SNX29: variants seen among roughly 807,000 people sequenced by gnomAD.
SNX29 encodes sorting nexin-29.
SNX29 carries 78 observed loss-of-function variants against 102.1 expected under a neutral mutation model. The observed-to-expected ratio is 0.76, with a 90% confidence interval of 0.64 to 0.92. The LOEUF (loss-of-function observed/expected upper bound fraction) is 0.92, where lower values mean the gene tolerates loss of function less well. Ranked by LOEUF, SNX29 falls within the 40% of genes least tolerant of loss-of-function variation. SNX29 has a pLI of 0.00. For missense variants in SNX29, 1,280 were observed against 1,061.7 expected, an observed-to-expected ratio of 1.21 and a Z score of -2.86; for synonymous variants, 580 against 414.5, an observed-to-expected ratio of 1.40 and a Z score of -4.85.
intron 13 of SNX29, among the ~76,000 whole-genome samples, chr16:12,143,121 C>A (rs757015071): frequency 1.3e-5 from 2 of 152,056 alleles, no homozygotes; most frequent in Non-Finnish European, 2.9e-5. Context: ...CCTCAGCCTC[C>A]TGAGTACCTG....
intron 20 of SNX29, among the ~76,000 whole-genome samples, chr16:12,536,682 A>G (rs1301565722): frequency 1.3e-5 from 2 of 152,178 alleles, no homozygotes; most frequent in African/African-American, 4.8e-5. Flanking sequence ...GCTGGTATTA[A>G]GAGGTGTTCA....
rs112440134 is a variant in SNX29, at chr16:12,267,471, A to C, written c.1679-10462A>C. ...GTTTGAATTCTCAAGTGGGATGGTT[A>C]AATTGTCCAGGCTGTGATGTGCTCC... is the stretch of plus-strand genomic sequence containing the variant. On this transcript the variant is annotated intron_variant, in intron 14 of 20. Transcript: ENST00000566228. 5.0e-3 allele frequency among the ~76,000 whole-genome samples: 758 copies of C among 152,256 alleles called. 6 individuals carry two copies. Among genetic ancestry groups the C allele is most frequent in the African/African-American group, 0.017 (724 of 41,538 alleles).
intron 15 of SNX29, among the ~76,000 whole-genome samples, chr16:12,284,135 A>G (rs1207165405): frequency 1.3e-5 from 2 of 152,240 alleles, no homozygotes; most frequent in African/African-American, 2.4e-5. Flanking sequence ...CTTCACAACA[A>G]TGTGAAGTGT....
chr16:12,439,647 C>G (rs548328105), intron 18 of SNX29, among the ~76,000 whole-genome samples: 2 of 152,188 alleles, frequency 1.3e-5, no homozygotes, highest in South Asian at 4.1e-4. Flanking sequence ...TCAGTTATTT[C>G]CCACTGGGTC....
At chr16:12,064,459 C>T (rs537208692) in intron 9 of SNX29, among the ~76,000 whole-genome samples, 10 of 152,324 alleles carry the variant, frequency 6.6e-5, no homozygotes, top group South Asian at 2.1e-4. Context: ...TGATGGGACC[C>T]GAGCTCCAGC....
intron 11 of SNX29, among the ~76,000 whole-genome samples, chr16:12,105,747 C>T (rs374602687): frequency 2.6e-5 from 4 of 152,120 alleles, no homozygotes; most frequent in South Asian, 2.1e-4. Context: ...GCCTTCAGGC[C>T]CAGCAGTGCG....
chr16:12,513,245 C>T (rs1324605388), intron 19 of SNX29, among the ~76,000 whole-genome samples: 1 of 149,744 alleles, frequency 6.7e-6, no homozygotes, highest in African/African-American at 2.5e-5. Flanking sequence ...TGCTTGTTTT[C>T]TGTCCTCCTC....
In SNX29 at chr16:12,550,701, C is replaced by G. The variant is rs146750943; in HGVS notation, c.2319-17805C>G. On this transcript the variant is annotated intron_variant, in intron 20 of 20. Coordinates refer to ENST00000566228, the MANE Select transcript of SNX29 (RefSeq NM_032167.5). ...CTCACTTTTTCATGTATTCACCCCCCTCATGCTCTTATTCTACACTCCTGT... is the reference window on the plus strand; with the variant it reads ...CTCACTTTTTCATGTATTCACCCCCGTCATGCTCTTATTCTACACTCCTGT... Among the ~76,000 whole-genome samples, 1,033 of 152,250 alleles carry G rather than the reference C, an allele frequency of 6.8e-3. 14 individuals are homozygous for G. The highest frequency in any genetic ancestry group is 0.024 in the African/African-American group (978 of 41,544).
At chr16:12,563,768 T>A (rs2903040) in intron 20 of SNX29, among the ~76,000 whole-genome samples, 2 of 152,144 alleles carry the variant, frequency 1.3e-5, no homozygotes, top group African/African-American at 4.8e-5. Flanking sequence ...TCTCCACCCT[T>A]GTCTGCCGAC....
chr16:12,134,485 G>A (rs2054588104), intron 13 of SNX29, among the ~76,000 whole-genome samples: 1 of 152,174 alleles, frequency 6.6e-6, no homozygotes, highest in Admixed American at 6.5e-5. Flanking sequence ...GTGGCTGTTG[G>A]CAGGAGGCTT....
chr16:12,509,125 A>C (rs1171601130), intron 19 of SNX29, among the ~76,000 whole-genome samples: 1 of 152,164 alleles, frequency 6.6e-6, no homozygotes, highest in East Asian at 1.9e-4. Context: ...TAGAGGCTAC[A>C]ATTAAGGCAG....
chr16:12,255,766 T>C (rs914610050), intron 14 of SNX29, among the ~76,000 whole-genome samples: 1 of 152,254 alleles, frequency 6.6e-6, no homozygotes, highest in Non-Finnish European at 1.5e-5. Context: ...ACGTTTTGTT[T>C]ATTCATCTGT....
At chr16:12,159,647 C>T (rs2055699246) in intron 13 of SNX29, among the ~76,000 whole-genome samples, 1 of 152,100 alleles carries the variant, frequency 6.6e-6, no homozygotes. Context: ...ATCACTTGAG[C>T]CCAGAAGTTT....
At chr16:12,345,264 G>T (rs957226350) in intron 15 of SNX29, among the ~76,000 whole-genome samples, 1 of 152,190 alleles carries the variant, frequency 6.6e-6, no homozygotes, top group Non-Finnish European at 1.5e-5. Flanking sequence ...ATAGAACATG[G>T]GTCTGGGCGT....
In SNX29 at chr16:12,048,557, ATCC is replaced by A; in HGVS notation, c.688_690del (p.Leu230del). 6.2e-7 allele frequency: 1 copy of A among 1,613,932 alleles called. No individual in the cohort carries two copies. The highest frequency in any genetic ancestry group is 8.5e-7 in the Non-Finnish European group (1 of 1,179,846). ...GATCACAGCCTCCTCTGCCGTCTCC[ATCC>A]TCATCAAACCTGAACAGGAGACCGA... On this transcript the variant is annotated inframe_deletion, in exon 7 of 21. Transcript: ENST00000566228.
intron 15 of SNX29, among the ~76,000 whole-genome samples, chr16:12,327,723 G>C (rs2081163309): frequency 7.8e-6 from 1 of 128,948 alleles, no homozygotes; most frequent in African/African-American, 2.5e-5. Flanking sequence ...TGGAAACAGA[G>C]CCGGAGAGAG....
intron 18 of SNX29, among the ~76,000 whole-genome samples, chr16:12,424,402 G>T (rs1479494349): frequency 6.6e-6 from 1 of 152,180 alleles, no homozygotes; most frequent in African/African-American, 2.4e-5. Context: ...TAATTGAATA[G>T]GGAGGTTTTA....
At chr16:12,443,033 C>T (rs150348371) in intron 18 of SNX29, 5,251 of 455,488 alleles carry the variant, frequency 0.012, 52 homozygotes, top group Middle Eastern at 0.016. Flanking sequence ...GTCTGTGGGC[C>T]GTATGAAAAC....
chr16:12,340,770 G>A (rs2081588910), intron 15 of SNX29, among the ~76,000 whole-genome samples: 4 of 152,134 alleles, frequency 2.6e-5, no homozygotes. Flanking sequence ...CGGAGCATGT[G>A]GTATCTTGGG....
Sources: allele counts gnomAD v4.1 joint callset (sites outside exome capture counted in the v4.1 genomes callset), GRCh38; gene constraint gnomAD v4.1.1; transcripts MANE v1.5; gene names NCBI Gene and HGNC (gene_info 2026-07-23, HGNC 2026-07-21).